AEN: variants seen among roughly 807,000 people sequenced by gnomAD.
AEN encodes apoptosis enhancing nuclease.
Under a neutral mutation model 17.7 loss-of-function variants are expected in AEN, and 21 were observed. That is an observed-to-expected ratio of 1.19 (90% CI 0.84 to 1.71). AEN has a LOEUF of 1.71. Ranked by LOEUF, AEN falls within the 40% of genes most tolerant of loss-of-function variation. The pLI is 0.00. For synonymous variants in AEN, 190 were observed against 173.0 expected, an observed-to-expected ratio of 1.10 and a Z score of -0.77; for missense variants, 462 against 435.9, an observed-to-expected ratio of 1.06 and a Z score of -0.53.
At chr15:88,613,248 CTT>C in the AEN span, among the ~76,000 whole-genome samples, 9 of 152,178 alleles carry the variant, frequency 5.9e-5, no homozygotes, top group Non-Finnish European at 1.0e-4. Context: ...TACCCAGAGA[CTT>C]TGGCTGCCTC....
chr15:88,609,396 A>G, the AEN span, among the ~76,000 whole-genome samples: 1 of 152,200 alleles, frequency 6.6e-6, no homozygotes, highest in Non-Finnish European at 1.5e-5. Context: ...CTCCCCCTCC[A>G]AATCAAAAGC....
the AEN span, among the ~76,000 whole-genome samples, chr15:88,606,573 C>T: frequency 7.8e-3 from 1,180 of 152,094 alleles, 6 homozygotes; most frequent in Non-Finnish European, 0.013. Context: ...TACCAGGCAA[C>T]CAGTCGCAGC....
At chr15:88,612,239 C>T in the AEN span, among the ~76,000 whole-genome samples, 1 of 152,218 alleles carries the variant, frequency 6.6e-6, no homozygotes, top group African/African-American at 2.4e-5. Flanking sequence ...CCTTGTGACT[C>T]CACATCCTGG....
In AEN at chr15:88,630,220, G is replaced by C; in HGVS notation, c.904G>C (p.Asp302His). ...SSTDMEQYMEDQYWPDDLAHG... is the reference protein window; with the variant it reads ...SSTDMEQYMEHQYWPDDLAHG... Reference sequence around the variant, plus strand: ...CACAGACATGGAACAGTACATGGAGGACCAGTACTGGCCCGATGACCTGGC... The same window carrying C: ...CACAGACATGGAACAGTACATGGAGCACCAGTACTGGCCCGATGACCTGGC... Residue 302 changes from aspartate to histidine, a missense_variant, in exon 4 of 4, where the codon GAC (aspartate) becomes CAC (histidine). Transcript: ENST00000332810. The surrounding 1 kb of genome is among the most constrained non-coding windows in gnomAD (Gnocchi z 5.1). 6.2e-7 allele frequency: 1 copy of C among 1,608,138 alleles called. No homozygotes were observed. The highest frequency in any genetic ancestry group is 8.5e-7 in the Non-Finnish European group (1 of 1,177,506).
At chr15:88,621,256 C>G (rs1248941745), upstream of AEN, 1 of 152,294 alleles carries the variant, frequency 6.6e-6, no homozygotes, top group Admixed American at 6.5e-5. Context: ...CAGAAGAGGT[C>G]TTGGGCGGGC....
At chr15:88,610,307 ATT>A in the AEN span, among the ~76,000 whole-genome samples, 17 of 136,176 alleles carry the variant, frequency 1.2e-4, no homozygotes, top group African/African-American at 1.6e-4. Context: ...GCACGGGGCT[ATT>A]TTTTTTTTTT....
At chr15:88,615,591 A>G in the AEN span, among the ~76,000 whole-genome samples, 1 of 152,014 alleles carries the variant, frequency 6.6e-6, no homozygotes, top group Admixed American at 6.6e-5. Flanking sequence ...AGGATTAGCT[A>G]TTTCATCAGC....
chr15:88,611,461 A>G, the AEN span, among the ~76,000 whole-genome samples: 2 of 142,110 alleles, frequency 1.4e-5, no homozygotes, highest in East Asian at 4.1e-4. Context: ...AAAAAAAATT[A>G]GCTGTAGTCT....
chr15:88,631,324 GC>G lies in AEN; in HGVS notation c.*1035del, dbSNP rs1169675431. 9.7e-6 allele frequency: 3 copies of G among 309,398 alleles called. No homozygotes were observed. Among genetic ancestry groups the G allele is most frequent in the African/African-American group, 2.2e-5 (1 of 46,468 alleles). The allele number at this position is 309,398 out of a possible 1,614,324, so 19.2% of individuals were successfully genotyped here. A position where few individuals can be genotyped will look rare whatever the true frequency, so the allele number is the denominator to read the frequency against. On this transcript the variant is annotated 3_prime_UTR_variant, in exon 4 of 4. Coordinates refer to ENST00000332810, the MANE Select transcript of AEN (RefSeq NM_022767.4). ...CTGGTGCCCCCGAACCTGGTCTGAT[GC>G]CCCCTCAGCTCTTTGACAATCACTG...
chr15:88,607,754 G>T, the AEN span, among the ~76,000 whole-genome samples: 2 of 151,804 alleles, frequency 1.3e-5, no homozygotes, highest in South Asian at 2.1e-4. Context: ...ATTAATATAA[G>T]AATTTTTATT....
At chr15:88,608,080 T>C in the AEN span, 7 of 519,414 alleles carry the variant, frequency 1.3e-5, no homozygotes, top group Admixed American at 7.8e-5. Flanking sequence ...AAGGGTCTAC[T>C]TTCAAGAAGA....
At chr15:88,625,130 G>C (rs2057834958) in intron 1 of AEN, among the ~76,000 whole-genome samples, 1 of 152,136 alleles carries the variant, frequency 6.6e-6, no homozygotes, top group Non-Finnish European at 1.5e-5. Context: ...CGCTGGGTGG[G>C]AGCCCATCAC....
chr15:88,614,252 T>C, the AEN span, among the ~76,000 whole-genome samples: 36 of 152,182 alleles, frequency 2.4e-4, no homozygotes, highest in East Asian at 2.9e-3. Flanking sequence ...CAGTCTAGAG[T>C]GCAGTGGTGT....
chr15:88,631,272 C>A lies in AEN; in HGVS notation c.*978C>A. On this transcript the variant is annotated 3_prime_UTR_variant, in exon 4 of 4. Transcript: ENST00000332810. ...TCCTGGGGCTGGGGCAGGGCATTGG[C>A]AGTTACGCAGTGGCCCTGAACCTGG... 2.4e-6 allele frequency: 1 copy of A among 417,168 alleles called. No individual in the cohort carries two copies. The highest frequency in any genetic ancestry group is 5.0e-6 in the Non-Finnish European group (1 of 198,502). 25.8% of individuals were successfully genotyped at this position (417,168 alleles called of 1,614,324 possible). A position where few individuals can be genotyped will look rare whatever the true frequency, so the allele number is the denominator to read the frequency against.
chr15:88,629,318 C>T lies in AEN; in HGVS notation c.633C>T (p.Thr211=). ...AGTATGTCCACCCTCGGAGCCAGAC[C>T]CGGGATACGACCTATGTCCCAAACT... The part of the protein sequence containing the change: ...ALKYVHPRSQ[T]RDTTYVPNFL... Residue 211 remains threonine (T), a synonymous_variant, in exon 3 of 4, where the codon ACC becomes ACT. Transcript: ENST00000332810. 6.2e-7 allele frequency: 1 copy of T among 1,614,104 alleles called. No homozygotes were observed. Among genetic ancestry groups the T allele is most frequent in the Non-Finnish European group, 8.5e-7 (1 of 1,180,004 alleles).
At chr15:88,607,023 G>C in the AEN span, among the ~76,000 whole-genome samples, 5 of 152,118 alleles carry the variant, frequency 3.3e-5, no homozygotes, top group African/African-American at 1.2e-4. Flanking sequence ...TTGTCCAGGG[G>C]TGTCTACTGT....
the AEN span, chr15:88,608,192 C>G: frequency 1.9e-6 from 1 of 529,634 alleles, no homozygotes; most frequent in Non-Finnish European, 3.9e-6. Context: ...CCTTTTCTGA[C>G]TAGCTGAGTG....
At position 88,632,026 on chromosome 15, in the gene AEN, T is replaced by A. The variant is rs578220419; in HGVS notation, c.*1732T>A. The A allele has an allele frequency of 6.6e-6, 1 of 152,298 alleles. No homozygotes were observed. The highest frequency in any genetic ancestry group is 1.5e-5 in the Non-Finnish European group (1 of 68,108). 9.4% of individuals were successfully genotyped at this position (152,298 alleles called of 1,614,324 possible). A position where few individuals can be genotyped will look rare whatever the true frequency, so the allele number is the denominator to read the frequency against. On this transcript the variant is annotated 3_prime_UTR_variant, in exon 4 of 4. Transcript: ENST00000332810. ...TTGGGGTCATAGATTGTCCAGTCAC[T>A]GGCTCCCTCCCTGTCAGCACAGCAC...
At chr15:88,611,878 T>C in the AEN span, 2 of 521,548 alleles carry the variant, frequency 3.8e-6, no homozygotes, top group Non-Finnish European at 7.8e-6. Flanking sequence ...GATTTTGTTG[T>C]TGTCTTACTG....
Sources: allele counts gnomAD v4.1 joint callset (sites outside exome capture counted in the v4.1 genomes callset), GRCh38; gene constraint gnomAD v4.1.1; non-coding constraint Gnocchi (gnomAD v3.1); transcripts MANE v1.5; gene names NCBI Gene and HGNC (gene_info 2026-07-23, HGNC 2026-07-21).